The following PTPRC variants were observed in gnomAD, a reference collection of about 807,000 sequenced individuals.
The protein encoded by PTPRC is receptor-type tyrosine-protein phosphatase C.
A neutral mutation model predicts 155.9 loss-of-function variants in PTPRC; 44 were observed. The observed-to-expected ratio is 0.28, with a 90% CI of 0.22 to 0.36. The LOEUF (loss-of-function observed/expected upper bound fraction) is 0.36, where lower values mean the gene tolerates loss of function less well. Among genes scored for constraint, PTPRC ranks in the 10% least tolerant of loss-of-function variants. The pLI, the probability that PTPRC is intolerant of heterozygous loss-of-function variation, is 1.00. For synonymous variants in PTPRC, 525 were observed against 533.1 expected, an observed-to-expected ratio of 0.98 and a Z score of 0.21; for missense variants, 1,401 against 1,564.6, an observed-to-expected ratio of 0.90 and a Z score of 1.76.
rs777950017 is a variant in PTPRC, at chr1:198,699,588, A to C, written c.323A>C (p.His108Pro). ...TTGVSSVQTP[H>P]LPTHADSQTP... ...GGTGTTTCATCAGTACAGACGCCTC[A>C]CCTTCCCACGCACGCAGACTCGCAG... Residue 108 changes from histidine (H) to proline (P), a missense_variant, in exon 5 of 33, where the codon CAC (histidine) becomes CCC (proline). This residue lies in a region of PTPRC where 867 missense variants were observed against 970.4 expected (regional missense o/e 0.89). Coordinates refer to ENST00000442510, the MANE Select transcript of PTPRC (RefSeq NM_002838.5). 1.2e-5 allele frequency: 20 copies of C among 1,614,076 alleles called. No individual in the cohort carries two copies. The Admixed American group carries it at 3.0e-4, about 24-fold the overall frequency.
chr1:198,712,973 AT>A lies in PTPRC; in HGVS notation c.1198del (p.Cys400ValfsTer10). On this transcript the variant is annotated frameshift_variant, in exon 12 of 33. Transcript: ENST00000442510. LOFTEE classifies it high-confidence loss of function. The part of the protein sequence containing the change: ...DFGSPGEPQI[I>X]FCRSEAAHQG... ...AACAGGTCCAGGAGAGCCTCAGATTATTTTTTGTAGAAGTGAAGCTGCACAT... is the reference window on the plus strand; with the variant it reads ...AACAGGTCCAGGAGAGCCTCAGATTATTTTTGTAGAAGTGAAGCTGCACAT... 6.2e-7 allele frequency: 1 copy of A among 1,613,418 alleles called. No homozygotes were observed. The highest frequency in any genetic ancestry group is 8.5e-7 in the Non-Finnish European group (1 of 1,179,444).
chr1:198,711,644 T>C (rs762340023), intron 11 of PTPRC, among the ~76,000 whole-genome samples: 1 of 152,178 alleles, frequency 6.6e-6, no homozygotes, highest in South Asian at 2.1e-4. Context: ...AATTGAATAT[T>C]CCTGCTCTTT....
chr1:198,712,946 T>C lies in PTPRC; in HGVS notation c.1172-7T>C. The C allele has an allele frequency of 6.2e-7, 1 of 1,610,612 alleles. No individual in the cohort carries two copies. Among genetic ancestry groups the C allele is most frequent in the Non-Finnish European group, 8.5e-7 (1 of 1,176,902 alleles). ...CATATTACATAACATTCTTATTCTT[T>C]TAACAGGTCCAGGAGAGCCTCAGAT... On this transcript the variant is annotated splice_polypyrimidine_tract_variant and splice_region_variant and intron_variant, in intron 11 of 32. Transcript: ENST00000442510.
chr1:198,697,014 T>A, intron 4 of PTPRC, 105 bp downstream of exon 4: 1 of 1,076,304 alleles, frequency 9.3e-7, no homozygotes, highest in Non-Finnish European at 1.4e-6. Flanking sequence ...AGTTTCTAAG[T>A]ATGTGATTTT....
At chr1:198,716,992 AG>A (rs1558018695) in intron 13 of PTPRC, 152 bp downstream of exon 13, 4 of 706,160 alleles carry the variant, frequency 5.7e-6, no homozygotes, top group African/African-American at 5.4e-5. Flanking sequence ...AAAATCTAAA[AG>A]TTTAAAAACC....
At chr1:198,728,595 A>C in intron 16 of PTPRC, 147 bp downstream of exon 16, 1 of 909,618 alleles carries the variant, frequency 1.1e-6, no homozygotes, top group Non-Finnish European at 1.6e-6. Flanking sequence ...ACAACTTTTA[A>C]TCAAAAACTT....
intron 3 of PTPRC, among the ~76,000 whole-genome samples, chr1:198,695,880 G>A (rs1001944318): frequency 2.6e-5 from 4 of 152,068 alleles, no homozygotes; most frequent in Non-Finnish European, 5.9e-5. Context: ...TCCATGAATA[G>A]GCCAGGCGTG....
At chr1:198,695,841 T>G (rs1016776418) in intron 3 of PTPRC, among the ~76,000 whole-genome samples, 16 of 152,194 alleles carry the variant, frequency 1.1e-4, no homozygotes, top group Admixed American at 7.2e-4. Context: ...TTCATTGCTT[T>G]GTTTGCTTTT....
chr1:198,710,510 G>C (rs942184881), intron 11 of PTPRC, among the ~76,000 whole-genome samples: 7 of 152,120 alleles, frequency 4.6e-5, no homozygotes, highest in African/African-American at 1.7e-4. Flanking sequence ...TGAATCTGTG[G>C]ATAAATTTGG....
Position 198,756,395 on chromosome 1 carries a change from C to G in PTPRC, c.*214C>G, listed in dbSNP as rs1014246978. 3.7e-5 allele frequency: 23 copies of G among 628,352 alleles called. No homozygotes were observed. Among genetic ancestry groups the G allele is most frequent in the Non-Finnish European group, 5.9e-5 (22 of 374,792 alleles). The allele number at this position is 628,352 out of a possible 1,614,324, so 38.9% of individuals were successfully genotyped here. On this transcript the variant is annotated 3_prime_UTR_variant, in exon 33 of 33. Coordinates refer to ENST00000442510, the MANE Select transcript of PTPRC (RefSeq NM_002838.5). The stretch of plus-strand genomic sequence containing the variant: ...GTATGCTTATTTTAAAATTTTATCT[C>G]TTATTCAGTAAAAAACAACTTCTTT...
intron 15 of PTPRC, among the ~76,000 whole-genome samples, chr1:198,724,460 T>C (rs1201595506): frequency 1.3e-5 from 2 of 152,192 alleles, no homozygotes; most frequent in African/African-American, 4.8e-5. Flanking sequence ...GTATCACACA[T>C]AGTTATTTTT....
intron 2 of PTPRC, among the ~76,000 whole-genome samples, chr1:198,664,978 T>C (rs1664195111): frequency 6.6e-6 from 1 of 151,878 alleles, no homozygotes; most frequent in Non-Finnish European, 1.5e-5. Flanking sequence ...GGGACTACCA[T>C]GAAAAATCCA....
intron 4 of PTPRC, 93 bp from the exon 5 acceptor site, chr1:198,699,471 C>T (rs1666358418): frequency 2.1e-6 from 3 of 1,451,576 alleles, no homozygotes; most frequent in Non-Finnish European, 1.9e-6. Flanking sequence ...GTTTGGTAAA[C>T]TATAATCGCA....
chr1:198,727,018 C>A (rs774233832), intron 15 of PTPRC, among the ~76,000 whole-genome samples: 1 of 151,768 alleles, frequency 6.6e-6, no homozygotes, highest in Non-Finnish European at 1.5e-5. Context: ...ACACACCATG[C>A]CTGGCTAATT....
rs1003000820 is a variant in PTPRC at position 198,732,500 on chromosome 1, C to A, written c.2086C>A (p.Leu696Ile). 1 of 1,611,050 alleles carries A rather than the reference C, an allele frequency of 6.2e-7. No individual in the cohort carries two copies. The highest frequency in any genetic ancestry group is 1.3e-5 in the African/African-American group (1 of 74,874). The change falls in exon 20 of 33, where the codon CTC becomes ATC. Residue 696 changes from leucine to isoleucine, a missense_variant. Coordinates refer to ENST00000442510, the MANE Select transcript of PTPRC (RefSeq NM_002838.5). ...AACAGATGATTATAACCGTGTTGAACTCTCTGAGATAAACGGAGATGCAGG... is the reference window on the plus strand; with the variant it reads ...AACAGATGATTATAACCGTGTTGAAATCTCTGAGATAAACGGAGATGCAGG... ...ILPYDYNRVE[L>I]SEINGDAGSN... is the part of the protein sequence containing the mutation.
At chr1:198,736,754 G>A (rs1654659490) in intron 23 of PTPRC, among the ~76,000 whole-genome samples, 1 of 151,536 alleles carries the variant, frequency 6.6e-6, no homozygotes, top group South Asian at 2.1e-4. Flanking sequence ...GTTTTTTTGA[G>A]AAACCTCCAA....
Position 198,744,133 on chromosome 1 carries a change from A to C in PTPRC, c.2777A>C (p.His926Pro), listed in dbSNP as rs955941415. 3.7e-6 allele frequency: 6 copies of C among 1,605,002 alleles called. No individual in the cohort carries two copies. In the African/African-American group the frequency reaches 8.0e-5, roughly 22 times the overall value. Residue 926 changes from histidine to proline, a missense_variant, in exon 26 of 33, where the codon CAT becomes CCT. Physicochemically the swap from His to Pro is moderately conservative, Grantham distance 77. Coordinates refer to ENST00000442510, the MANE Select transcript of PTPRC (RefSeq NM_002838.5). ...GETEVNLSEL[H>P]PYLHNMKKRD... ...ACAGAAGTGAATTTGTCTGAATTAC[A>C]TCCATATCTACATAACATGAAGAAA...
At chr1:198,755,801 CAATACTTCCACA>C in intron 32 of PTPRC, 93 bp from the exon 33 acceptor site, 1 of 1,240,430 alleles carries the variant, frequency 8.1e-7, no homozygotes, top group Non-Finnish European at 1.2e-6. Flanking sequence ...TTCTGTCATC[CAATACTTCCACA>C]AATAAATCAT....
At chr1:198,743,887 T>G (rs971420427) in intron 25 of PTPRC, among the ~76,000 whole-genome samples, 167 bp from the exon 26 acceptor site, 33 of 151,986 alleles carry the variant, frequency 2.2e-4, no homozygotes, top group African/African-American at 7.5e-4. Context: ...TCCAGAAAAC[T>G]CTGAGAGTGA....
Sources: gnomAD v4.1 joint callset for allele counts (sites outside exome capture counted in the v4.1 genomes callset) on GRCh38, gnomAD v4.1.1 for gene constraint, gnomAD v4.1.1 regional missense constraint, MANE v1.5 for transcripts, NCBI Gene and HGNC (gene_info 2026-07-23, HGNC 2026-07-21) for gene names.